HECTD2: variants seen among roughly 807,000 people sequenced by gnomAD.
The protein encoded by HECTD2 is HECT domain E3 ubiquitin protein ligase 2, also known as probable E3 ubiquitin-protein ligase HECTD2.
A neutral mutation model predicts 103.2 loss-of-function variants in HECTD2; 35 were observed. That is an observed-to-expected ratio of 0.34 (90% CI 0.26 to 0.45). HECTD2 has a LOEUF of 0.45. Among genes scored for constraint, HECTD2 ranks in the 20% least tolerant of loss-of-function variants. The pLI, the probability that HECTD2 is intolerant of heterozygous loss-of-function variation, is 1.00. For missense variants in HECTD2, 596 were observed against 937.4 expected (o/e 0.64, Z 4.76); for synonymous variants, 281 against 329.9 (o/e 0.85, Z 1.61).
chr10:91,505,252 G>C (rs1279310081), intron 20 of HECTD2, among the ~76,000 whole-genome samples: 1 of 151,576 alleles, frequency 6.6e-6, no homozygotes, highest in South Asian at 2.1e-4. Context: ...ATAATGACAG[G>C]ATCAAATTCA....
chr10:91,430,108 C>A (rs1843773044), intron 2 of HECTD2, among the ~76,000 whole-genome samples: 1 of 152,160 alleles, frequency 6.6e-6, no homozygotes, highest in Non-Finnish European at 1.5e-5. Flanking sequence ...CAAAGAACAT[C>A]TTTATTTCTG....
intron 2 of HECTD2, 83 bp from the exon 3 acceptor site, chr10:91,460,344 G>T: frequency 2.6e-6 from 3 of 1,135,224 alleles, no homozygotes; most frequent in South Asian, 1.7e-5. Flanking sequence ...TTTGTTTTCT[G>T]TTCATGTTGA....
At chr10:91,431,670 A>G (rs11186567) in intron 2 of HECTD2, among the ~76,000 whole-genome samples, 15,012 of 151,950 alleles carry the variant, frequency 0.099, 1,582 homozygotes, top group African/African-American at 0.27. Flanking sequence ...AGTTGATCGC[A>G]TCGGCTCCTG....
At chr10:91,410,050 C>A (rs1269582232), upstream of HECTD2, among the ~76,000 whole-genome samples, 3 of 152,148 alleles carry the variant, frequency 2.0e-5, no homozygotes, top group East Asian at 5.8e-4. Context: ...GGTGCGGGGT[C>A]TCCTCGTCAT....
rs1249242580 is a variant in HECTD2 at position 91,514,208 on chromosome 10, G to A, written c.*1824G>A. 6.6e-6 allele frequency: 1 copy of A among 152,620 alleles called. No homozygotes were observed. Among genetic ancestry groups the A allele is most frequent in the Admixed American group, 6.5e-5 (1 of 15,278 alleles). 9.5% of individuals were successfully genotyped at this position (152,620 alleles called of 1,614,324 possible). A position where few individuals can be genotyped will look rare whatever the true frequency, so the allele number is the denominator to read the frequency against. On this transcript the variant is annotated 3_prime_UTR_variant, in exon 21 of 21. Coordinates refer to ENST00000298068, the MANE Select transcript of HECTD2 (RefSeq NM_182765.6). Reference sequence around the variant, plus strand: ...TTTTATTTGGTAGAGATGACTCATGGAAAAATTGTGTTGGCTTGGTCTGCA... The same window carrying A: ...TTTTATTTGGTAGAGATGACTCATGAAAAAATTGTGTTGGCTTGGTCTGCA...
intron 14 of HECTD2, among the ~76,000 whole-genome samples, chr10:91,494,856 AT>A (rs1457737317): frequency 6.6e-6 from 1 of 151,978 alleles, no homozygotes; most frequent in Non-Finnish European, 1.5e-5. Flanking sequence ...ATATATCACA[AT>A]TTAGATTTGG....
chr10:91,459,276 G>A (rs1382921224), intron 2 of HECTD2, among the ~76,000 whole-genome samples: 1 of 152,132 alleles, frequency 6.6e-6, no homozygotes, highest in East Asian at 1.9e-4. Context: ...AAATGGTACA[G>A]CCACTCTGGA....
intron 14 of HECTD2, among the ~76,000 whole-genome samples, chr10:91,494,418 G>T (rs1846592326): frequency 6.6e-6 from 1 of 152,022 alleles, no homozygotes. Context: ...GCTAAATTGT[G>T]CTGGGCTTGG....
intron 20 of HECTD2, among the ~76,000 whole-genome samples, chr10:91,502,543 A>G (rs1025706608): frequency 3.3e-5 from 5 of 152,216 alleles, no homozygotes; most frequent in African/African-American, 1.2e-4. Context: ...TAAGTGCCCA[A>G]TAGCTATTTC....
At chr10:91,451,090 T>C (rs1411355144) in intron 2 of HECTD2, among the ~76,000 whole-genome samples, 1 of 152,198 alleles carries the variant, frequency 6.6e-6, no homozygotes, top group Non-Finnish European at 1.5e-5. Context: ...ATGACAGCAC[T>C]GTTCACAACA....
chr10:91,417,848 C>A lies in HECTD2; in HGVS notation c.138+7272C>A, dbSNP rs966896853. On this transcript the variant is annotated intron_variant, in intron 1 of 20. Transcript: ENST00000298068. ...CATACGTGTGCATGTGTCTTTATAG[C>A]AGCATGTTTTATAATCCTTTGGGTA... Among the ~76,000 whole-genome samples the A allele has an allele frequency of 2.6e-5, 4 of 152,228 alleles. No homozygotes were observed. In the East Asian group the frequency reaches 5.8e-4, roughly 22 times the overall value.
intron 2 of HECTD2, among the ~76,000 whole-genome samples, chr10:91,440,448 G>A (rs374128613): frequency 5.3e-5 from 8 of 152,232 alleles, no homozygotes; most frequent in East Asian, 3.9e-4. Flanking sequence ...TGGTGGATAA[G>A]CTTTTTGATG....
intron 2 of HECTD2, among the ~76,000 whole-genome samples, chr10:91,459,547 C>T (rs1176734000): frequency 6.6e-6 from 1 of 152,014 alleles, no homozygotes; most frequent in Non-Finnish European, 1.5e-5. Context: ...GAAAATTATG[C>T]TAACTAAAAG....
At chr10:91,486,792 C>G (rs1344217327) in intron 10 of HECTD2, 1 of 151,974 alleles carries the variant, frequency 6.6e-6, no homozygotes, top group Non-Finnish European at 1.5e-5. Flanking sequence ...TACTGAAGAA[C>G]TCTCAACTTT....
At chr10:91,484,419 G>A in intron 8 of HECTD2, 88 bp from the exon 9 acceptor site, 1 of 1,484,008 alleles carries the variant, frequency 6.7e-7, no homozygotes, top group Non-Finnish European at 9.1e-7. Context: ...AAAATTTTGT[G>A]GCTTAGGATG....
intron 15 of HECTD2, 43 bp downstream of exon 15, chr10:91,496,415 C>T (rs1846666574): frequency 7.1e-7 from 1 of 1,404,488 alleles, no homozygotes; most frequent in Non-Finnish European, 9.9e-7. Context: ...AATGCGAAAT[C>T]ATCTTTTTTC....
chr10:91,432,513 T>C (rs891539605), intron 2 of HECTD2, among the ~76,000 whole-genome samples: 21 of 151,946 alleles, frequency 1.4e-4, no homozygotes, highest in African/African-American at 5.1e-4. Flanking sequence ...ACCTGGATGA[T>C]AAATGATAGA....
chr10:91,479,960 T>C (rs1201257532), intron 6 of HECTD2, among the ~76,000 whole-genome samples: 1 of 152,134 alleles, frequency 6.6e-6, no homozygotes, highest in Non-Finnish European at 1.5e-5. Context: ...ACTTTTGCCA[T>C]TTTTTATTGC....
intron 2 of HECTD2, among the ~76,000 whole-genome samples, chr10:91,440,111 A>G (rs999240779): frequency 6.6e-6 from 1 of 151,992 alleles, no homozygotes. Flanking sequence ...ATTTCCAATA[A>G]TATGTTGAAT....
Sources: gnomAD v4.1 joint callset for allele counts (sites outside exome capture counted in the v4.1 genomes callset) on GRCh38, gnomAD v4.1.1 for gene constraint, MANE v1.5 for transcripts, NCBI Gene and HGNC (gene_info 2026-07-23, HGNC 2026-07-21) for gene names.